The following NEGR1 variants were observed in gnomAD, a reference collection of about 807,000 sequenced individuals.
NEGR1 encodes IgLON family member 4.
Under a neutral mutation model 40.9 loss-of-function variants are expected in NEGR1, and 10 were observed. The observed-to-expected ratio is 0.24, with a 90% CI of 0.15 to 0.42. NEGR1 has a LOEUF of 0.42. NEGR1 is among the 10% of genes least tolerant of loss of function. The probability of loss-of-function intolerance (pLI) is 1.00; values close to 1 mark genes in which losing one functional copy is unlikely to be tolerated. For synonymous variants in NEGR1, 185 were observed against 166.8 expected, an observed-to-expected ratio of 1.11 and a Z score of -0.84; for missense variants, 352 against 438.9, an observed-to-expected ratio of 0.80 and a Z score of 1.77.
intron 1 of NEGR1, among the ~76,000 whole-genome samples, chr1:72,097,058 A>C (rs867937700): frequency 8.5e-5 from 13 of 152,166 alleles, no homozygotes; most frequent in Non-Finnish European, 1.2e-4. Flanking sequence ...AGGCAAAATA[A>C]AATTTTATAA....
chr1:72,274,919 A>T (rs1655986031), intron 1 of NEGR1: 2 of 1,578,384 alleles, frequency 1.3e-6, no homozygotes, highest in Admixed American at 3.3e-5. Flanking sequence ...CGAAAGTCAG[A>T]TATCTACGTC....
intron 1 of NEGR1, among the ~76,000 whole-genome samples, chr1:72,006,214 T>C (rs540364632): frequency 6.6e-6 from 1 of 152,320 alleles, no homozygotes; most frequent in Non-Finnish European, 1.5e-5. Context: ...CTTTGGCACT[T>C]CTGTGTGTCC....
chr1:72,080,226 T>A (rs1212600450), intron 1 of NEGR1, among the ~76,000 whole-genome samples: 1 of 152,122 alleles, frequency 6.6e-6, no homozygotes, highest in Non-Finnish European at 1.5e-5. Context: ...TTTAAATAAA[T>A]ATTTCATATC....
At chr1:71,765,954 T>C (rs1334004130) in intron 3 of NEGR1, among the ~76,000 whole-genome samples, 1 of 152,100 alleles carries the variant, frequency 6.6e-6, no homozygotes, top group African/African-American at 2.4e-5. Context: ...GGTGGGCAGA[T>C]CATGAGGTCA....
intron 6 of NEGR1, among the ~76,000 whole-genome samples, chr1:71,494,124 T>C (rs1274963993): frequency 6.6e-6 from 1 of 152,202 alleles, no homozygotes; most frequent in Non-Finnish European, 1.5e-5. Flanking sequence ...TCCTGCAGTG[T>C]CCTGCCTGAT....
chr1:71,469,477 T>C lies in NEGR1; in HGVS notation c.941-61907A>G, dbSNP rs1292467686. On this transcript the variant is annotated intron_variant, in intron 6 of 6. Coordinates refer to ENST00000357731, the MANE Select transcript of NEGR1 (RefSeq NM_173808.3). ...TGTTTAACTTTTTGAGAAAAGAAAA[T>C]CTTCCAGCTGAATTTAGTATCTACA... 1.3e-5 allele frequency among the ~76,000 whole-genome samples: 2 copies of C among 152,056 alleles called. 1 individual carries two copies. The highest frequency in any genetic ancestry group is 2.9e-5 in the Non-Finnish European group (2 of 67,990).
intron 1 of NEGR1, among the ~76,000 whole-genome samples, chr1:71,952,042 A>T (rs1275312525): frequency 6.6e-6 from 1 of 151,822 alleles, no homozygotes. Flanking sequence ...GGGCCTTTCT[A>T]TTCCCCAAGA....
At chr1:72,145,857 A>T (rs1186066581) in intron 1 of NEGR1, among the ~76,000 whole-genome samples, 1 of 152,064 alleles carries the variant, frequency 6.6e-6, no homozygotes, top group African/African-American at 2.4e-5. Flanking sequence ...TGACACTCCA[A>T]TTAGGGCTTC....
intron 1 of NEGR1, among the ~76,000 whole-genome samples, chr1:72,038,482 C>G (rs979269140): frequency 6.6e-6 from 1 of 151,976 alleles, no homozygotes; most frequent in Non-Finnish European, 1.5e-5. Flanking sequence ...AGCTGAGATA[C>G]TTACTGTGTT....
intron 1 of NEGR1, among the ~76,000 whole-genome samples, chr1:72,002,848 A>G (rs1382918958): frequency 1.3e-5 from 2 of 152,186 alleles, no homozygotes. Flanking sequence ...AATCAATGCA[A>G]AGGACACATC....
intron 1 of NEGR1, among the ~76,000 whole-genome samples, chr1:72,118,488 T>A (rs1649666237): frequency 6.6e-6 from 1 of 151,810 alleles, no homozygotes; most frequent in East Asian, 1.9e-4. Context: ...CCAGCGGGTG[T>A]GTTGTGGCTC....
chr1:71,766,453 T>C (rs964180098), intron 3 of NEGR1, among the ~76,000 whole-genome samples: 3 of 152,140 alleles, frequency 2.0e-5, no homozygotes, highest in African/African-American at 7.2e-5. Flanking sequence ...AAAAAAGTGT[T>C]TGAGACATAT....
intron 6 of NEGR1, among the ~76,000 whole-genome samples, chr1:71,540,921 G>A (rs1468906376): frequency 3.3e-5 from 5 of 151,636 alleles, no homozygotes; most frequent in Admixed American, 6.6e-5. Flanking sequence ...ATCACATGGT[G>A]AGAACGGGAG....
chr1:71,568,886 G>A (rs888866016), intron 6 of NEGR1, among the ~76,000 whole-genome samples: 1 of 148,052 alleles, frequency 6.8e-6, no homozygotes, highest in African/African-American at 2.5e-5. Context: ...ATATTAAAGT[G>A]TCCTTGCCTC....
At chr1:71,436,122 A>G (rs1270321796) in intron 6 of NEGR1, among the ~76,000 whole-genome samples, 1 of 152,216 alleles carries the variant, frequency 6.6e-6, no homozygotes, top group Non-Finnish European at 1.5e-5. Flanking sequence ...TCAAGTGAGA[A>G]ACAATAAATT....
chr1:71,696,419 T>C (rs767185933), intron 4 of NEGR1, among the ~76,000 whole-genome samples: 1 of 151,788 alleles, frequency 6.6e-6, no homozygotes, highest in African/African-American at 2.4e-5. Flanking sequence ...TAAAGACCTC[T>C]TGGGTCTTGG....
intron 4 of NEGR1, among the ~76,000 whole-genome samples, chr1:71,693,800 T>A (rs940967709): frequency 2.6e-5 from 4 of 151,556 alleles, no homozygotes; most frequent in African/African-American, 7.3e-5. Context: ...GTCACAAGAT[T>A]AGGGAACCCC....
chr1:72,213,946 C>T (rs957399643), intron 1 of NEGR1, among the ~76,000 whole-genome samples: 1 of 152,044 alleles, frequency 6.6e-6, no homozygotes, highest in African/African-American at 2.4e-5. Flanking sequence ...CCCTGATGAA[C>T]ATCGATGAGA....
chr1:71,754,674 C>G (rs989690558), intron 3 of NEGR1, among the ~76,000 whole-genome samples: 16 of 151,566 alleles, frequency 1.1e-4, no homozygotes, highest in Admixed American at 5.3e-4. Flanking sequence ...CAATCTGGCT[C>G]CAGTTCCCAG....
Sources: allele counts gnomAD v4.1 joint callset (sites outside exome capture counted in the v4.1 genomes callset), GRCh38; gene constraint gnomAD v4.1.1; transcripts MANE v1.5; gene names NCBI Gene and HGNC (gene_info 2026-07-23, HGNC 2026-07-21).